Variants in POLR1C observed in about 807,000 individuals in gnomAD.
POLR1C encodes DNA-directed RNA polymerases I and III subunit RPAC1.
Under a neutral mutation model 38.3 loss-of-function variants are expected in POLR1C, and 42 were observed. The observed-to-expected ratio is 1.10, with a 90% CI of 0.86 to 1.42. POLR1C has a LOEUF of 1.42. POLR1C is among the 40% of genes most tolerant of loss of function. POLR1C has a pLI of 0.00. For missense variants in POLR1C, 507 were observed against 450.5 expected (o/e 1.13, Z -1.14); for synonymous variants, 163 against 163.9 (o/e 0.99, Z 0.04).
intron 9 of POLR1C, among the ~76,000 whole-genome samples, chr6:43,541,936 C>T (rs758278925): frequency 2.7e-4 from 41 of 152,120 alleles, no homozygotes; most frequent in African/African-American, 9.9e-4. Context: ...CACACCACCA[C>T]GCCTGGCTAA....
chr6:43,524,106 T>C, downstream of POLR1C: 2 of 1,495,596 alleles, frequency 1.3e-6, no homozygotes, highest in Non-Finnish European at 1.8e-6. Context: ...ATCCCAACAC[T>C]TTTGGGAGGC....
chr6:43,530,629 T>C, downstream of POLR1C: 1 of 1,590,720 alleles, frequency 6.3e-7, no homozygotes, highest in Non-Finnish European at 8.6e-7. Flanking sequence ...GTGACCTGTT[T>C]TGTTTCTCTC....
chr6:43,547,682 T>C lies in POLR1C; in HGVS notation c.*5-3286T>C, dbSNP rs767238351. On this transcript the variant is annotated intron_variant, in intron 9 of 10. Transcript: ENST00000607635. The stretch of plus-strand genomic sequence containing the variant: ...TTCTGATCTGTACCCACATACGCAA[T>C]GAAAGCATCAACATCTGACAGCACT... 5 of 1,613,912 alleles carry C rather than the reference T, an allele frequency of 3.1e-6. No individual in the cohort carries two copies. The highest frequency in any genetic ancestry group is 4.2e-6 in the Non-Finnish European group (5 of 1,179,880).
chr6:43,531,671 G>T, downstream of POLR1C: 2 of 1,048,018 alleles, frequency 1.9e-6, no homozygotes, highest in Non-Finnish European at 3.0e-6. Context: ...CAGGGGTGAA[G>T]ATGTGTGCAT....
downstream of POLR1C, chr6:43,533,864 G>A (rs574950430): frequency 1.4e-6 from 2 of 1,444,844 alleles, no homozygotes; most frequent in South Asian, 2.3e-5. Flanking sequence ...ACATCCATTA[G>A]GGATAAGATA....
chr6:43,556,628 A>G (rs1275254830), intron 10 of POLR1C, among the ~76,000 whole-genome samples: 4 of 152,174 alleles, frequency 2.6e-5, no homozygotes, highest in Non-Finnish European at 4.4e-5. Flanking sequence ...AAAATATTAA[A>G]CTTGCAATTG....
At chr6:43,557,738 T>C (rs1416059026) in intron 10 of POLR1C, among the ~76,000 whole-genome samples, 1 of 141,730 alleles carries the variant, frequency 7.1e-6, no homozygotes, top group Non-Finnish European at 1.5e-5. Context: ...ATATACTGTA[T>C]GTGGGTGAAC....
chr6:43,543,414 C>T (rs1046517954), intron 9 of POLR1C, among the ~76,000 whole-genome samples: 1 of 152,146 alleles, frequency 6.6e-6, no homozygotes, highest in Non-Finnish European at 1.5e-5. Context: ...GATCGCAACA[C>T]TGCACCCCAA....
chr6:43,545,436 G>A (rs1794916635), intron 9 of POLR1C, among the ~76,000 whole-genome samples: 2 of 152,092 alleles, frequency 1.3e-5, no homozygotes, highest in African/African-American at 4.8e-5. Context: ...GCCAGGTGTG[G>A]TGGCTCACTC....
At chr6:43,533,534 T>C (rs1189737716), downstream of POLR1C, 2 of 170,754 alleles carry the variant, frequency 1.2e-5, no homozygotes, top group Non-Finnish European at 2.6e-5. Context: ...AAGCACAAGA[T>C]AGGCTGAAGC....
chr6:43,558,247 A>G (rs1048720074), intron 10 of POLR1C, among the ~76,000 whole-genome samples: 1 of 152,180 alleles, frequency 6.6e-6, no homozygotes, highest in Non-Finnish European at 1.5e-5. Context: ...AAAAGTCAAG[A>G]GCGTCTTAAG....
At chr6:43,543,674 T>C (rs1794818019) in intron 9 of POLR1C, among the ~76,000 whole-genome samples, 2 of 140,864 alleles carry the variant, frequency 1.4e-5, no homozygotes, top group South Asian at 4.2e-4. Flanking sequence ...ATTTATTTAA[T>C]TTTTTTTTTC....
intron 9 of POLR1C, among the ~76,000 whole-genome samples, chr6:43,549,065 GTTTA>G (rs537282302): frequency 1.4e-4 from 22 of 152,036 alleles, no homozygotes; most frequent in Non-Finnish European, 2.6e-4. Flanking sequence ...ATTCAAGAAT[GTTTA>G]TTTATTTATT....
chr6:43,520,902 G>A (rs1269656112), intron 7 of POLR1C, 30 bp from the exon 8 acceptor site: 4 of 1,609,572 alleles, frequency 2.5e-6, no homozygotes, highest in South Asian at 1.1e-5. Context: ...TTAGAAAAAG[G>A]AATAAAAAAA....
intron 8 of POLR1C, chr6:43,526,547 AAGAGGG>A: frequency 1.1e-6 from 1 of 941,594 alleles, no homozygotes; most frequent in Non-Finnish European, 1.7e-6. Flanking sequence ...GGCACACAGC[AAGAGGG>A]CTGGTCCAGA....
intron 8 of POLR1C, chr6:43,526,798 C>T (rs1226266965): frequency 1.9e-6 from 3 of 1,579,446 alleles, no homozygotes; most frequent in Admixed American, 1.8e-5. Flanking sequence ...TATACTACCA[C>T]AACAGCCACC....
downstream of POLR1C, chr6:43,523,895 A>AC (rs1264028976): frequency 6.2e-7 from 1 of 1,613,642 alleles, no homozygotes; most frequent in South Asian, 1.1e-5. Context: ...TGGCCAGGCC[A>AC]CCCCCATCAT....
At chr6:43,533,529 C>T (rs1322039148), downstream of POLR1C, 1 of 169,124 alleles carries the variant, frequency 5.9e-6, no homozygotes, top group East Asian at 1.6e-4. Flanking sequence ...GGAAGAAGCA[C>T]AAGATAGGCT....
At chr6:43,553,324 GA>G (rs1795343124) in intron 10 of POLR1C, 2 of 1,568,468 alleles carry the variant, frequency 1.3e-6, no homozygotes, top group Admixed American at 3.8e-5. Context: ...GAAAAGAAAA[GA>G]AAAAGGTCAA....
Sources: allele counts gnomAD v4.1 joint callset (sites outside exome capture counted in the v4.1 genomes callset), GRCh38; gene constraint gnomAD v4.1.1; transcripts MANE v1.5; gene names NCBI Gene and HGNC (gene_info 2026-07-23, HGNC 2026-07-21).